The following COIL variants were observed in gnomAD, a reference collection of about 807,000 sequenced individuals.
COIL encodes coilin, also known as coilin p80.
COIL carries 28 observed loss-of-function variants against 51.6 expected under a neutral mutation model. The observed-to-expected ratio is 0.54, with a 90% confidence interval of 0.40 to 0.74. The LOEUF (loss-of-function observed/expected upper bound fraction) is 0.74. Ranked by LOEUF, COIL falls within the 30% of genes least tolerant of loss-of-function variation. The pLI is 0.00. For missense variants in COIL, 667 were observed against 685.9 expected (o/e 0.97, Z 0.31); for synonymous variants, 233 against 255.8 (o/e 0.91, Z 0.85).
intron 1 of COIL, among the ~76,000 whole-genome samples, chr17:56,955,107 C>T (rs539694876): frequency 1.3e-4 from 20 of 152,278 alleles, no homozygotes; most frequent in African/African-American, 4.6e-4. Context: ...CTCTGTCGCC[C>T]AGGCTGGACT....
intron 5 of COIL, among the ~76,000 whole-genome samples, chr17:56,945,817 G>A (rs1188984595): frequency 6.6e-6 from 1 of 152,218 alleles, no homozygotes; most frequent in Non-Finnish European, 1.5e-5. Context: ...CCGGGTTCAA[G>A]CGATTCTCCT....
rs769265872 is a variant in COIL at position 56,950,756 on chromosome 17, G to GT, written c.485dup (p.Asn162LysfsTer6). On this transcript the variant is annotated frameshift_variant, in exon 2 of 7. Transcript: ENST00000240316. LOFTEE classifies it high-confidence loss of function. Reference sequence around the variant, plus strand: ...CACAGGTTGCTTTATTTTTTCTCTTGTTTTTTTTGCTGACAGTCTGATCTG... The same window carrying GT: ...CACAGGTTGCTTTATTTTTTCTCTTGTTTTTTTTTGCTGACAGTCTGATCTG... 3.3e-5 allele frequency: 53 copies of GT among 1,607,688 alleles called. No homozygotes were observed. Among genetic ancestry groups the GT allele is most frequent in the South Asian group, 1.3e-4 (12 of 90,698 alleles).
In COIL at chr17:56,949,436, T is replaced by C; in HGVS notation, c.1441-2A>G. ...GTAACTGGATGTTAGCTCCAAAAGC[T>C]AAAAAAGAAGAAAAAACCCACAAAT... On this transcript the variant is annotated splice_acceptor_variant, in intron 3 of 6. Transcript: ENST00000240316. LOFTEE classifies it high-confidence loss of function. 2 of 1,604,114 alleles carry C rather than the reference T, an allele frequency of 1.2e-6. No homozygotes were observed. The highest frequency in any genetic ancestry group is 1.8e-5 in the Admixed American group (1 of 55,918).
chr17:56,958,062 C>G (rs1910515512), intron 1 of COIL, among the ~76,000 whole-genome samples: 1 of 152,234 alleles, frequency 6.6e-6, no homozygotes, highest in Non-Finnish European at 1.5e-5. Flanking sequence ...TTTGGCTGGT[C>G]AGACTCATCT....
Position 56,950,169 on chromosome 17 carries a change from G to A in COIL, c.1073C>T (p.Ser358Leu). 2 of 1,614,134 alleles carry A rather than the reference G, an allele frequency of 1.2e-6. No individual in the cohort carries two copies. The highest frequency in any genetic ancestry group is 1.1e-5 in the South Asian group (1 of 91,084). ...AGRGRPGPGL[S>L]SQTAGAAGWR... ...TCCAGCAGCACCTGCAGTCTGTGAT[G>A]ACAGCCCTGGGCCTGGACGACCTCT... The change falls in exon 2 of 7, where the codon TCA (serine) becomes TTA (leucine). Residue 358 changes from serine (S) to leucine (L), a missense_variant. Ser to Leu is a moderately radical substitution (Grantham distance 145). Coordinates refer to ENST00000240316, the MANE Select transcript of COIL (RefSeq NM_004645.3).
chr17:56,953,497 C>A (rs1316647614), intron 1 of COIL, among the ~76,000 whole-genome samples: 1 of 151,434 alleles, frequency 6.6e-6, no homozygotes. Context: ...AGGAGGATCA[C>A]TAGAGCCCAG....
Position 56,950,764 on chromosome 17 carries a change from T to G in COIL, c.478A>C (p.Lys160Gln), listed in dbSNP as rs755100316. ...PKAVTDQTVS[K>Q]KNKRKNKATC... is the part of the protein sequence containing the mutation. Reference sequence around the variant, plus strand: ...GCTTTATTTTTTCTCTTGTTTTTTTTGCTGACAGTCTGATCTGTGACAGCT... The same window carrying G: ...GCTTTATTTTTTCTCTTGTTTTTTTGGCTGACAGTCTGATCTGTGACAGCT... Residue 160 changes from lysine (K) to glutamine (Q), a missense_variant, in exon 2 of 7, where the codon AAA becomes CAA. Physicochemically the swap from Lys to Gln is moderately conservative, Grantham distance 53 (BLOSUM62 1). Coordinates refer to ENST00000240316, the MANE Select transcript of COIL (RefSeq NM_004645.3). The G allele has an allele frequency of 9.3e-6, 15 of 1,614,028 alleles. No individual in the cohort carries two copies. The highest frequency in any genetic ancestry group is 1.1e-5 in the Non-Finnish European group (13 of 1,180,060).
intron 6 of COIL, 23 bp downstream of exon 6, chr17:56,942,012 C>A: frequency 6.3e-7 from 1 of 1,592,044 alleles, no homozygotes; most frequent in Non-Finnish European, 8.6e-7. Flanking sequence ...GGCCAAGCAA[C>A]GCAAGAAGAG....
At chr17:56,948,008 T>C (rs929227350) in intron 4 of COIL, among the ~76,000 whole-genome samples, 27 of 152,024 alleles carry the variant, frequency 1.8e-4, no homozygotes, top group African/African-American at 6.5e-4. Context: ...ATAAATTACA[T>C]GATCACCTCA....
chr17:56,945,982 C>T (rs1465486903), intron 5 of COIL, among the ~76,000 whole-genome samples: 2 of 152,220 alleles, frequency 1.3e-5, no homozygotes, highest in African/African-American at 4.8e-5. Flanking sequence ...TCCCAAAGTG[C>T]AGGGATTACA....
At chr17:56,960,168 G>A (rs534324046) in intron 1 of COIL, among the ~76,000 whole-genome samples, 43 of 151,674 alleles carry the variant, frequency 2.8e-4, no homozygotes, top group East Asian at 1.9e-4. Context: ...AGGCTGCAGT[G>A]AGCTGAGATC....
chr17:56,959,545 CAGCCCAAAA>C (rs1351579544), intron 1 of COIL, among the ~76,000 whole-genome samples: 5 of 152,162 alleles, frequency 3.3e-5, no homozygotes, highest in African/African-American at 1.2e-4. Flanking sequence ...TCCCAATTTA[CAGCCCAAAA>C]GGACTCAAGA....
Position 56,950,164 on chromosome 17 carries a change from G to C in COIL, c.1078C>G (p.Gln360Glu). 1 of 1,614,182 alleles carries C rather than the reference G, an allele frequency of 6.2e-7. No individual in the cohort carries two copies. The highest frequency in any genetic ancestry group is 8.5e-7 in the Non-Finnish European group (1 of 1,180,034). ...CTCCATCCAGCAGCACCTGCAGTCTGTGATGACAGCCCTGGGCCTGGACGA... is the reference window on the plus strand; with the variant it reads ...CTCCATCCAGCAGCACCTGCAGTCTCTGATGACAGCCCTGGGCCTGGACGA... ...RGRPGPGLSS[Q>E]TAGAAGWRRS... The change falls in exon 2 of 7, where the codon CAG (glutamine) becomes GAG (glutamate). Residue 360 changes from glutamine to glutamate, a missense_variant. By Grantham distance (29) the Gln-to-Glu change is conservative (BLOSUM62 2). Transcript: ENST00000240316.
intron 5 of COIL, among the ~76,000 whole-genome samples, chr17:56,944,097 G>A (rs1910198664): frequency 6.6e-6 from 1 of 151,862 alleles, no homozygotes; most frequent in Non-Finnish European, 1.5e-5. Context: ...GAACTCCTGG[G>A]CTCAAGTGAT....
chr17:56,960,419 G>A (rs1910567216), intron 1 of COIL, among the ~76,000 whole-genome samples: 2 of 150,600 alleles, frequency 1.3e-5, no homozygotes, highest in African/African-American at 4.9e-5. Context: ...AGCTACTCGG[G>A]AGGCTGAGGC....
intron 1 of COIL, among the ~76,000 whole-genome samples, chr17:56,954,635 C>G (rs1486153452): frequency 1.3e-5 from 2 of 151,910 alleles, no homozygotes; most frequent in African/African-American, 4.8e-5. Flanking sequence ...CCTGCAGCCC[C>G]ACTACCTACT....
intron 5 of COIL, 124 bp downstream of exon 5, chr17:56,946,318 G>T (rs1910249207): frequency 2.2e-5 from 14 of 626,114 alleles, no homozygotes; most frequent in Non-Finnish European, 3.1e-5. Context: ...AAAGTGTGCT[G>T]AAAGAAGTGG....
rs1910096117 is a variant in COIL, at chr17:56,939,049, C to T, written c.*22G>A. The T allele has an allele frequency of 7.5e-7, 1 of 1,334,976 alleles. No homozygotes were observed. Among genetic ancestry groups the T allele is most frequent in the African/African-American group, 1.5e-5 (1 of 68,388 alleles). The allele number at this position is 1,334,976 out of a possible 1,614,324, so 82.7% of individuals were successfully genotyped here. ...CTTTCACAAACAAGACATTCATAAA[C>T]TATAAGGTGGAGAGGTCATACTCAG... On this transcript the variant is annotated 3_prime_UTR_variant, in exon 7 of 7. Coordinates refer to ENST00000240316, the MANE Select transcript of COIL (RefSeq NM_004645.3).
chr17:56,951,518 A>C (rs1308295699), intron 1 of COIL: 2 of 153,160 alleles, frequency 1.3e-5, no homozygotes, highest in East Asian at 3.8e-4. Flanking sequence ...GGTGAATACT[A>C]AACAATTTAT....
Sources: gnomAD v4.1 joint callset for allele counts (sites outside exome capture counted in the v4.1 genomes callset) on GRCh38, gnomAD v4.1.1 for gene constraint, MANE v1.5 for transcripts, NCBI Gene and HGNC (gene_info 2026-07-23, HGNC 2026-07-21) for gene names.